Variants in XKR4 observed in about 807,000 individuals in gnomAD.
XKR4 encodes XK-related protein 4.
Under a neutral mutation model 53.9 loss-of-function variants are expected in XKR4, and 12 were observed. The observed-to-expected ratio is 0.22, with a 90% CI of 0.14 to 0.36. The LOEUF (loss-of-function observed/expected upper bound fraction) is 0.36. XKR4 is among the 10% of genes least tolerant of loss of function. XKR4 has a pLI of 1.00. For synonymous variants in XKR4, 354 were observed against 362.4 expected (o/e 0.98, Z 0.26); for missense variants, 799 against 859.5 (o/e 0.93, Z 0.88).
intron 1 of XKR4, among the ~76,000 whole-genome samples, chr8:55,232,178 G>A (rs1017919618): frequency 6.6e-6 from 1 of 152,204 alleles, no homozygotes; most frequent in African/African-American, 2.4e-5. Context: ...TGGCCAAGGG[G>A]AGGGACCTCT....
intron 1 of XKR4, among the ~76,000 whole-genome samples, chr8:55,336,066 A>G (rs1803456334): frequency 3.3e-5 from 5 of 151,064 alleles, no homozygotes; most frequent in Non-Finnish European, 7.4e-5. Context: ...AAAAGAAAAG[A>G]AAAACAGAGT....
chr8:55,217,839 C>G (rs1016912485), intron 1 of XKR4, among the ~76,000 whole-genome samples: 1 of 152,074 alleles, frequency 6.6e-6, no homozygotes, highest in East Asian at 1.9e-4. Flanking sequence ...GCAATAAAAT[C>G]ATAAATATGA....
In XKR4 at chr8:55,210,303, C is replaced by T. The variant is rs374549138; in HGVS notation, c.806+107009C>T. Among the ~76,000 whole-genome samples, 374 of 152,110 alleles carry T rather than the reference C, an allele frequency of 2.5e-3. 3 individuals carry two copies. The highest frequency in any genetic ancestry group is 4.3e-3 in the Non-Finnish European group (290 of 67,984). ...TTCATCATGTTGCCCAGGCTGGTCT[C>T]GAACTCCTGACCTCAAATGATCCAC... On this transcript the variant is annotated intron_variant, in intron 1 of 2. Coordinates refer to ENST00000327381, the MANE Select transcript of XKR4 (RefSeq NM_052898.2).
intron 1 of XKR4, among the ~76,000 whole-genome samples, chr8:55,119,445 A>G (rs1816359811): frequency 6.6e-6 from 1 of 152,158 alleles, no homozygotes; most frequent in Admixed American, 6.5e-5. Flanking sequence ...ATGGGCAAAG[A>G]TATCTTCTGC....
intron 1 of XKR4, among the ~76,000 whole-genome samples, chr8:55,310,451 T>C (rs940037886): frequency 6.6e-6 from 1 of 152,222 alleles, no homozygotes; most frequent in African/African-American, 2.4e-5. Context: ...ACCTGACACG[T>C]GATAAGCACT....
At chr8:55,425,367 A>G (rs947720353) in intron 2 of XKR4, among the ~76,000 whole-genome samples, 1 of 151,802 alleles carries the variant, frequency 6.6e-6, no homozygotes, top group Non-Finnish European at 1.5e-5. Flanking sequence ...CTTCCTTAGA[A>G]TCTGTTCTTG....
intron 1 of XKR4, among the ~76,000 whole-genome samples, chr8:55,241,906 C>T (rs1272566438): frequency 6.6e-6 from 1 of 152,112 alleles, no homozygotes; most frequent in Non-Finnish European, 1.5e-5. Context: ...ATAAACCTAG[C>T]TCTGTGTAGC....
rs1232407366 is a variant in XKR4, at chr8:55,523,694, C to G, written c.1420C>G (p.Leu474Val). Residue 474 changes from leucine to valine, a missense_variant, in exon 3 of 3, where the codon CTC (leucine) becomes GTC (valine). Coordinates refer to ENST00000327381, the MANE Select transcript of XKR4 (RefSeq NM_052898.2). Reference sequence around the variant, plus strand: ...TTTGGAAAATACAGCCTTGAGTGCCCTCTGGTACCTCTACAAGGCTCCCCA... The same window carrying G: ...TTTGGAAAATACAGCCTTGAGTGCCGTCTGGTACCTCTACAAGGCTCCCCA... ...ILLENTALSA[L>V]WYLYKAPQIA... 1.2e-6 allele frequency: 2 copies of G among 1,614,174 alleles called. No homozygotes were observed. Among genetic ancestry groups the G allele is most frequent in the East Asian group, 4.5e-5 (2 of 44,888 alleles).
intron 1 of XKR4, among the ~76,000 whole-genome samples, chr8:55,289,023 A>G (rs1486710126): frequency 6.6e-6 from 1 of 152,132 alleles, no homozygotes; most frequent in African/African-American, 2.4e-5. Context: ...GTAGTGCACC[A>G]TGGTATAGAT....
intron 1 of XKR4, among the ~76,000 whole-genome samples, chr8:55,217,099 G>A (rs545101018): frequency 3.0e-4 from 45 of 151,868 alleles, no homozygotes; most frequent in South Asian, 4.2e-4. Context: ...AAACTTAGCC[G>A]GGCGTGGTGG....
At chr8:55,303,826 G>T (rs1819245774) in intron 1 of XKR4, among the ~76,000 whole-genome samples, 1 of 152,198 alleles carries the variant, frequency 6.6e-6, no homozygotes, top group African/African-American at 2.4e-5. Context: ...TTGTATTTCT[G>T]TGGGATCGGT....
chr8:55,288,746 C>T (rs1393142200), intron 1 of XKR4, among the ~76,000 whole-genome samples: 2 of 152,100 alleles, frequency 1.3e-5, no homozygotes, highest in Non-Finnish European at 2.9e-5. Flanking sequence ...CCAAAGGTAA[C>T]ATCTTGCAAA....
At chr8:55,487,162 CA>C (rs922974516) in intron 2 of XKR4, among the ~76,000 whole-genome samples, 1 of 152,178 alleles carries the variant, frequency 6.6e-6, no homozygotes, top group Non-Finnish European at 1.5e-5. Flanking sequence ...ACTCTCAGTC[CA>C]AGGCCAAAAG....
chr8:55,251,163 C>T (rs568089832), intron 1 of XKR4, among the ~76,000 whole-genome samples: 8 of 151,840 alleles, frequency 5.3e-5, no homozygotes, highest in Admixed American at 1.3e-4. Flanking sequence ...TATAGATATG[C>T]GTGTAGGTGT....
rs1554534217 is a variant in XKR4 at position 55,535,226 on chromosome 8, T to TA, written c.*11001dup. ...ATGTGACTTATTTTCTTTTTTTTTT[T>TA]AATTTTATTATTATTATACTTTAAG... is the stretch of plus-strand genomic sequence containing the variant. On this transcript the variant is annotated 3_prime_UTR_variant, in exon 3 of 3. Transcript: ENST00000327381. 5 of 151,608 alleles carry TA rather than the reference T, an allele frequency of 3.3e-5. No individual in the cohort carries two copies. Among genetic ancestry groups the TA allele is most frequent in the African/African-American group, 7.3e-5 (3 of 41,306 alleles). The allele number at this position is 151,608 out of a possible 1,614,324, so 9.4% of individuals were successfully genotyped here. A position where few individuals can be genotyped will look rare whatever the true frequency, so the allele number is the denominator to read the frequency against.
At chr8:55,206,497 A>G (rs16921393) in intron 1 of XKR4, among the ~76,000 whole-genome samples, 48,442 of 152,078 alleles carry the variant, frequency 0.32, 8,056 homozygotes, top group East Asian at 0.53. Flanking sequence ...AATTTCCTTC[A>G]TCCACAGCAC....
At chr8:55,423,574 T>G (rs1003059119) in intron 2 of XKR4, among the ~76,000 whole-genome samples, 3 of 152,358 alleles carry the variant, frequency 2.0e-5, no homozygotes, top group African/African-American at 7.2e-5. Context: ...TCACTTTCTT[T>G]GGGAAGCCAT....
At chr8:55,177,414 A>G (rs541426319) in intron 1 of XKR4, among the ~76,000 whole-genome samples, 2 of 152,236 alleles carry the variant, frequency 1.3e-5, no homozygotes, top group Non-Finnish European at 2.9e-5. Context: ...CCCAGGGGAC[A>G]TCTCAGGCAC....
At chr8:55,135,266 T>C (rs1015251574) in intron 1 of XKR4, 3 of 171,882 alleles carry the variant, frequency 1.7e-5, no homozygotes, top group Non-Finnish European at 3.8e-5. Context: ...ATTTCTTTTT[T>C]ATGATAACAT....
Sources: allele counts gnomAD v4.1 joint callset (sites outside exome capture counted in the v4.1 genomes callset), GRCh38; gene constraint gnomAD v4.1.1; transcripts MANE v1.5; gene names NCBI Gene and HGNC (gene_info 2026-07-23, HGNC 2026-07-21).